Variants in ATP6V0A4 observed in about 807,000 individuals in gnomAD.
The protein encoded by ATP6V0A4 is ATPase H+ transporting V0 subunit a4.
Under a neutral mutation model 107.3 loss-of-function variants are expected in ATP6V0A4, and 86 were observed. The observed-to-expected ratio is 0.80, with a 90% CI of 0.67 to 0.96. The LOEUF is 0.96. Ranked by LOEUF, ATP6V0A4 falls within the 40% of genes least tolerant of loss-of-function variation. The pLI, the probability that ATP6V0A4 is intolerant of heterozygous loss-of-function variation, is 0.00. For synonymous variants in ATP6V0A4, 353 were observed against 381.4 expected (o/e 0.93, Z 0.87); for missense variants, 908 against 1,045.6 (o/e 0.87, Z 1.81).
chr7:138,737,846 C>T (rs1391164380), intron 15 of ATP6V0A4, among the ~76,000 whole-genome samples: 3 of 151,362 alleles, frequency 2.0e-5, no homozygotes, highest in African/African-American at 7.3e-5. Flanking sequence ...ACTGCAACCT[C>T]CACCTCCCAG....
At position 138,721,927 on chromosome 7, in the gene ATP6V0A4, G is replaced by A. The variant is rs749233161; in HGVS notation, c.2109C>T (p.Thr703=). ...SRSGQRTSAD[T]HGALDDHGEE... is the part of the protein sequence containing the mutation. The stretch of plus-strand genomic sequence containing the variant: ...CTCCATGGTCGTCCAGAGCCCCGTG[G>A]GTATCTGCAGAAGTCCTCTGGCCAG... The change falls in exon 19 of 22, where the codon ACC becomes ACT. Residue 703 remains threonine (T), a synonymous_variant. Coordinates refer to ENST00000310018, the MANE Select transcript of ATP6V0A4 (RefSeq NM_020632.3). 4 of 1,614,118 alleles carry A rather than the reference G, an allele frequency of 2.5e-6. No homozygotes were observed. The highest frequency in any genetic ancestry group is 3.4e-6 in the Non-Finnish European group (4 of 1,180,022).
chr7:138,725,879 G>A (rs115755653), intron 18 of ATP6V0A4, among the ~76,000 whole-genome samples: 139 of 152,226 alleles, frequency 9.1e-4, no homozygotes, highest in Middle Eastern at 3.4e-3. Flanking sequence ...ACGTGTTCAT[G>A]CTGCGATACT....
chr7:138,741,000 T>C (rs1805610172), intron 14 of ATP6V0A4, among the ~76,000 whole-genome samples: 1 of 151,542 alleles, frequency 6.6e-6, no homozygotes, highest in South Asian at 2.1e-4. Flanking sequence ...AAAAATTAGT[T>C]GGGCGTGGTG....
chr7:138,717,977 G>C (rs573623478), intron 19 of ATP6V0A4, among the ~76,000 whole-genome samples: 1 of 149,442 alleles, frequency 6.7e-6, no homozygotes, highest in South Asian at 2.1e-4. Flanking sequence ...GAAAAGAAAA[G>C]ATCAAAGAAG....
intron 4 of ATP6V0A4, 28 bp from the exon 5 acceptor site, chr7:138,768,902 C>T (rs1807225744): frequency 1.2e-6 from 2 of 1,613,296 alleles, no homozygotes; most frequent in African/African-American, 1.3e-5. Flanking sequence ...ACCAGAAACC[C>T]CAAGGTGATT....
At chr7:138,718,000 C>G (rs968874900) in intron 19 of ATP6V0A4, among the ~76,000 whole-genome samples, 1 of 103,904 alleles carries the variant, frequency 9.6e-6, no homozygotes, top group African/African-American at 3.4e-5. Flanking sequence ...AGAGCAGTCA[C>G]GCTGCAGTCA....
chr7:138,783,698 C>G (rs1808020011), intron 2 of ATP6V0A4, among the ~76,000 whole-genome samples: 1 of 152,084 alleles, frequency 6.6e-6, no homozygotes, highest in East Asian at 1.9e-4. Flanking sequence ...TGCACTCCAG[C>G]CAAGGTGACA....
At chr7:138,766,509 C>G (rs1022825276) in intron 5 of ATP6V0A4, among the ~76,000 whole-genome samples, 4 of 152,032 alleles carry the variant, frequency 2.6e-5, no homozygotes, top group Non-Finnish European at 5.9e-5. Flanking sequence ...CCTGGCCTAT[C>G]ATGCTAGACA....
chr7:138,776,329 C>G (rs1330793595), intron 2 of ATP6V0A4, among the ~76,000 whole-genome samples: 1 of 152,192 alleles, frequency 6.6e-6, no homozygotes, highest in African/African-American at 2.4e-5. Context: ...GCTCTGTACC[C>G]TGGAGGAAAG....
At chr7:138,733,995 C>T in intron 16 of ATP6V0A4, 141 bp downstream of exon 16, 6 of 946,812 alleles carry the variant, frequency 6.3e-6, no homozygotes, top group Admixed American at 2.1e-5. Context: ...TGTCTTGGCT[C>T]AAGCCCAGAT....
chr7:138,741,416 T>A (rs988401012), intron 14 of ATP6V0A4, among the ~76,000 whole-genome samples: 39 of 152,022 alleles, frequency 2.6e-4, no homozygotes, highest in African/African-American at 9.4e-4. Flanking sequence ...AGCAGAGAAG[T>A]GTTTGTGTGT....
intron 6 of ATP6V0A4, 48 bp downstream of exon 6, chr7:138,762,852 G>C: frequency 6.3e-7 from 1 of 1,597,760 alleles, no homozygotes; most frequent in Non-Finnish European, 8.6e-7. Context: ...ATGGAAATTT[G>C]AGGTTCTGAG....
At chr7:138,721,304 C>T (rs1042497153) in intron 19 of ATP6V0A4, among the ~76,000 whole-genome samples, 1 of 151,988 alleles carries the variant, frequency 6.6e-6, no homozygotes, top group African/African-American at 2.4e-5. Flanking sequence ...TTTGGGAGGC[C>T]GAGGCAGGCA....
At chr7:138,761,997 A>G (rs1329748494) in intron 7 of ATP6V0A4, among the ~76,000 whole-genome samples, 1 of 152,162 alleles carries the variant, frequency 6.6e-6, no homozygotes, top group African/African-American at 2.4e-5. Flanking sequence ...TAGTATTTTA[A>G]AGAGAAAGGA....
chr7:138,775,380 C>T (rs756808906), intron 2 of ATP6V0A4, among the ~76,000 whole-genome samples: 17 of 152,120 alleles, frequency 1.1e-4, no homozygotes, highest in Non-Finnish European at 2.4e-4. Context: ...CGCACATATA[C>T]ACACACAAAC....
At chr7:138,712,925 T>A (rs1388171113) in intron 20 of ATP6V0A4, among the ~76,000 whole-genome samples, 1 of 152,072 alleles carries the variant, frequency 6.6e-6, no homozygotes, top group African/African-American at 2.4e-5. Context: ...AGCGCTGAGA[T>A]CCACTCTAAG....
intron 8 of ATP6V0A4, among the ~76,000 whole-genome samples, chr7:138,757,873 A>C (rs957322001): frequency 5.3e-5 from 8 of 152,310 alleles, no homozygotes; most frequent in Middle Eastern, 3.4e-3. Flanking sequence ...ATACTATCAA[A>C]ATGAATCCTG....
At chr7:138,714,848 C>T (rs564396431) in intron 20 of ATP6V0A4, among the ~76,000 whole-genome samples, 7 of 152,246 alleles carry the variant, frequency 4.6e-5, no homozygotes, top group Non-Finnish European at 1.0e-4. Flanking sequence ...AACCTGTCAA[C>T]ATACTATATT....
intron 15 of ATP6V0A4, among the ~76,000 whole-genome samples, chr7:138,737,294 TAA>T (rs1805387093): frequency 6.6e-6 from 1 of 150,790 alleles, no homozygotes; most frequent in East Asian, 2.0e-4. Flanking sequence ...TGGGAGTGCA[TAA>T]GTCTCATGAG....
Sources: gnomAD v4.1 joint callset for allele counts (sites outside exome capture counted in the v4.1 genomes callset) on GRCh38, gnomAD v4.1.1 for gene constraint, MANE v1.5 for transcripts, NCBI Gene and HGNC (gene_info 2026-07-23, HGNC 2026-07-21) for gene names.